The following NCKAP5 variants were observed in gnomAD, a reference collection of about 807,000 sequenced individuals.
NCKAP5 encodes the protein NCK associated protein 5.
NCKAP5 carries 92 observed loss-of-function variants against 167.0 expected under a neutral mutation model. That is an observed-to-expected ratio of 0.55 (90% CI 0.47 to 0.66). The LOEUF (loss-of-function observed/expected upper bound fraction) is 0.66. Among genes scored for constraint, NCKAP5 ranks in the 30% least tolerant of loss-of-function variants. NCKAP5 has a pLI of 0.00. For synonymous variants in NCKAP5, 891 were observed against 877.4 expected (o/e 1.02, Z -0.27); for missense variants, 2,378 against 2,315.0 (o/e 1.03, Z -0.56).
intron 3 of NCKAP5, among the ~76,000 whole-genome samples, chr2:133,406,319 G>A (rs570387057): frequency 6.6e-6 from 1 of 152,028 alleles, no homozygotes; most frequent in South Asian, 2.1e-4. Flanking sequence ...AGTGCTTTTG[G>A]AGAAAGATAA....
intron 5 of NCKAP5, among the ~76,000 whole-genome samples, chr2:133,136,563 C>A (rs1459337929): frequency 6.6e-6 from 1 of 152,116 alleles, no homozygotes; most frequent in African/African-American, 2.4e-5. Context: ...GAGAAGTAAT[C>A]GCTATATGTC....
At chr2:133,272,875 G>A (rs910908938) in intron 4 of NCKAP5, among the ~76,000 whole-genome samples, 1 of 152,072 alleles carries the variant, frequency 6.6e-6, no homozygotes, top group African/African-American at 2.4e-5. Context: ...GTTGTAGCAC[G>A]TATTGGTGCT....
At chr2:132,986,996 G>A (rs1365703988) in intron 7 of NCKAP5, among the ~76,000 whole-genome samples, 4 of 152,158 alleles carry the variant, frequency 2.6e-5, no homozygotes, top group Admixed American at 2.6e-4. Context: ...AGGTGATCGA[G>A]GCCCTCTGTT....
intron 5 of NCKAP5, among the ~76,000 whole-genome samples, chr2:133,143,362 A>C (rs2149846719): frequency 6.6e-6 from 1 of 152,320 alleles, no homozygotes; most frequent in South Asian, 2.1e-4. Context: ...GCCAGGAAGA[A>C]CTGCAAAGCA....
At chr2:133,108,037 C>T (rs775138768) in intron 6 of NCKAP5, among the ~76,000 whole-genome samples, 5 of 152,160 alleles carry the variant, frequency 3.3e-5, no homozygotes, top group Admixed American at 1.3e-4. Flanking sequence ...GTTCCCTTCC[C>T]TTCTCTTATT....
chr2:132,853,328 A>G (rs1422730552), intron 11 of NCKAP5, among the ~76,000 whole-genome samples: 1 of 152,156 alleles, frequency 6.6e-6, no homozygotes, highest in Non-Finnish European at 1.5e-5. Flanking sequence ...TAGCATTTCC[A>G]TGGGGCCTAA....
intron 3 of NCKAP5, among the ~76,000 whole-genome samples, chr2:133,398,855 G>A (rs1323071700): frequency 6.6e-6 from 1 of 152,112 alleles, no homozygotes; most frequent in Non-Finnish European, 1.5e-5. Context: ...TGAGAGGCCC[G>A]ACAGGGTTTA....
chr2:132,965,750 A>G (rs1327626531), intron 7 of NCKAP5, among the ~76,000 whole-genome samples: 5 of 152,204 alleles, frequency 3.3e-5, no homozygotes, highest in Admixed American at 2.0e-4. Context: ...AGAATCCTAT[A>G]TACCATGTTA....
At chr2:133,269,153 T>C (rs781015889) in intron 4 of NCKAP5, 15 of 152,224 alleles carry the variant, frequency 9.9e-5, no homozygotes, top group Non-Finnish European at 8.8e-5. Flanking sequence ...GGTCTTAACT[T>C]CAAAATATAT....
chr2:133,604,497 C>T, the NCKAP5 span, among the ~76,000 whole-genome samples: 5 of 152,128 alleles, frequency 3.3e-5, no homozygotes, highest in African/African-American at 1.2e-4. Context: ...TGAGACACCT[C>T]ACCCAGTCAG....
chr2:133,322,883 T>G (rs1040537911), intron 3 of NCKAP5, among the ~76,000 whole-genome samples: 2 of 152,302 alleles, frequency 1.3e-5, no homozygotes, highest in South Asian at 2.1e-4. Flanking sequence ...TCAGCACATC[T>G]GGGGTGAGAC....
At chr2:133,071,308 A>T (rs567206711) in intron 6 of NCKAP5, among the ~76,000 whole-genome samples, 55 of 151,802 alleles carry the variant, frequency 3.6e-4, no homozygotes, top group African/African-American at 1.3e-3. Flanking sequence ...AGCCGGGCGT[A>T]GTGGCGGGCG....
intron 16 of NCKAP5, among the ~76,000 whole-genome samples, chr2:132,769,546 T>A (rs962884510): frequency 2.0e-5 from 3 of 152,204 alleles, no homozygotes; most frequent in Non-Finnish European, 1.5e-5. Flanking sequence ...GCCATTCTTG[T>A]GGAATTAAGA....
intron 19 of NCKAP5, among the ~76,000 whole-genome samples, chr2:132,712,076 A>G (rs763447601): frequency 1.3e-5 from 2 of 152,154 alleles, no homozygotes; most frequent in African/African-American, 2.4e-5. Context: ...TCACTGGCAC[A>G]CACAGATCAC....
chr2:133,409,690 C>T (rs906341590), intron 3 of NCKAP5, among the ~76,000 whole-genome samples: 13 of 152,114 alleles, frequency 8.5e-5, no homozygotes, highest in African/African-American at 2.9e-4. Flanking sequence ...GATGTGTGTG[C>T]ATGTGTATGC....
At chr2:133,289,369 A>C (rs1679394746) in intron 4 of NCKAP5, among the ~76,000 whole-genome samples, 1 of 151,684 alleles carries the variant, frequency 6.6e-6, no homozygotes, top group South Asian at 2.1e-4. Flanking sequence ...GTGAAAATTC[A>C]CCCTCTGTTT....
chr2:133,590,710 C>G, the NCKAP5 span, among the ~76,000 whole-genome samples: 1 of 151,872 alleles, frequency 6.6e-6, no homozygotes, highest in African/African-American at 2.4e-5. Flanking sequence ...TAAATACCAT[C>G]GCCTAGGACT....
At chr2:133,096,025 A>T (rs1382671866) in intron 6 of NCKAP5, among the ~76,000 whole-genome samples, 2 of 152,150 alleles carry the variant, frequency 1.3e-5, no homozygotes, top group Admixed American at 6.5e-5. Flanking sequence ...GATGCTACTA[A>T]ATTACCCACA....
intron 4 of NCKAP5, among the ~76,000 whole-genome samples, chr2:133,232,186 G>GCCAA (rs2087182962): frequency 6.6e-6 from 1 of 152,154 alleles, no homozygotes; most frequent in Non-Finnish European, 1.5e-5. Context: ...AAGTCACAGA[G>GCCAA]CCAAGCATGG....
Sources: gnomAD v4.1 joint callset for allele counts (sites outside exome capture counted in the v4.1 genomes callset) on GRCh38, gnomAD v4.1.1 for gene constraint, MANE v1.5 for transcripts, NCBI Gene and HGNC (gene_info 2026-07-23, HGNC 2026-07-21) for gene names.